The following FSTL5 variants were observed in gnomAD, a reference collection of about 807,000 sequenced individuals.
FSTL5 encodes the protein follistatin-related protein 5.
FSTL5 carries 62 observed loss-of-function variants against 89.1 expected under a neutral mutation model. The ratio of observed to expected loss-of-function variants is 0.70; its 90% CI spans 0.57 to 0.86. The LOEUF (loss-of-function observed/expected upper bound fraction) is 0.86, where lower values mean the gene tolerates loss of function less well. Ranked by LOEUF, FSTL5 falls within the 40% of genes least tolerant of loss-of-function variation. The pLI is 0.00. For missense variants in FSTL5, 1,057 were observed against 1,001.6 expected, an observed-to-expected ratio of 1.06 and a Z score of -0.75; for synonymous variants, 383 against 346.2, an observed-to-expected ratio of 1.11 and a Z score of -1.18.
chr4:161,952,471 C>A lies in FSTL5; in HGVS notation c.161-31819G>T, dbSNP rs1253066436. Among the ~76,000 whole-genome samples the A allele has an allele frequency of 2.0e-5, 3 of 151,822 alleles. No individual in the cohort carries two copies. The East Asian group carries it at 5.8e-4, about 29-fold the overall frequency. On this transcript the variant is annotated intron_variant, in intron 3 of 15. Transcript: ENST00000306100. Reference sequence around the variant, plus strand: ...GTAGGAAAAATAATACTGCATGGTACCTTTAGCCAAAGCTTCAAAATATGT... The same window carrying A: ...GTAGGAAAAATAATACTGCATGGTAACTTTAGCCAAAGCTTCAAAATATGT...
intron 2 of FSTL5, among the ~76,000 whole-genome samples, chr4:162,086,905 A>G (rs1730344713): frequency 6.6e-6 from 1 of 152,110 alleles, no homozygotes; most frequent in Non-Finnish European, 1.5e-5. Flanking sequence ...TGTGTAAATA[A>G]TATTTTACAA....
chr4:161,953,095 A>G (rs1396639808), intron 3 of FSTL5, among the ~76,000 whole-genome samples: 1 of 151,704 alleles, frequency 6.6e-6, no homozygotes, highest in Non-Finnish European at 1.5e-5. Flanking sequence ...TCAAAGGATT[A>G]TTTTAGTTCT....
Position 161,587,519 on chromosome 4 carries a change from G to A in FSTL5, c.951C>T (p.Gly317=). Residue 317 remains glycine (G), a synonymous_variant, in exon 8 of 16, where the codon GGC becomes GGT. Transcript: ENST00000306100. ...AGCCATCTGCATAGCAGGTGTAATTGCCAACGTGAGTTGTGGTAACCTTAG... is the reference window on the plus strand; with the variant it reads ...AGCCATCTGCATAGCAGGTGTAATTACCAACGTGAGTTGTGGTAACCTTAG... The part of the protein sequence containing the change: ...YITKVTTTHV[G]NYTCYADGYE... 1 of 1,611,110 alleles carries A rather than the reference G, an allele frequency of 6.2e-7. No homozygotes were observed. Among genetic ancestry groups the A allele is most frequent in the Non-Finnish European group, 8.5e-7 (1 of 1,177,606 alleles).
At chr4:161,780,849 A>G (rs1741640598) in intron 4 of FSTL5, among the ~76,000 whole-genome samples, 1 of 152,170 alleles carries the variant, frequency 6.6e-6, no homozygotes, top group African/African-American at 2.4e-5. Context: ...AAAGGCTGCA[A>G]TTTGTTCTTA....
Position 161,405,473 on chromosome 4 carries a change from G to T in FSTL5, c.1842-19024C>A, listed in dbSNP as rs114434206. ...AGCAGATATGAGCAGGCAGAAGAAA[G>T]AATCAGAAAATTTGCAGAGGTAAAT... On this transcript the variant is annotated intron_variant, in intron 15 of 15. Coordinates refer to ENST00000306100, the MANE Select transcript of FSTL5 (RefSeq NM_020116.5). Among the ~76,000 whole-genome samples the T allele has an allele frequency of 7.5e-3, 1,148 of 152,110 alleles. 16 individuals are homozygous for T. The highest frequency in any genetic ancestry group is 0.026 in the African/African-American group (1,090 of 41,530).
chr4:161,923,475 G>C (rs899479974), intron 3 of FSTL5, among the ~76,000 whole-genome samples: 7 of 151,674 alleles, frequency 4.6e-5, no homozygotes, highest in Non-Finnish European at 8.9e-5. Context: ...AATGTTTATA[G>C]AGTCTATATG....
chr4:161,770,328 T>C (rs184030513), intron 5 of FSTL5, among the ~76,000 whole-genome samples: 1 of 152,108 alleles, frequency 6.6e-6, no homozygotes, highest in African/African-American at 2.4e-5. Flanking sequence ...ATATTGTACA[T>C]TTTCCGCAAC....
At chr4:162,029,532 A>G (rs946222518) in intron 3 of FSTL5, among the ~76,000 whole-genome samples, 2 of 152,150 alleles carry the variant, frequency 1.3e-5, no homozygotes, top group African/African-American at 4.8e-5. Context: ...ATATTTACCA[A>G]AAAAGATGAA....
chr4:161,887,392 C>CATCTATCT (rs60103951), intron 4 of FSTL5, among the ~76,000 whole-genome samples: 2,621 of 133,110 alleles, frequency 0.02, 61 homozygotes, highest in African/African-American at 0.058. Context: ...CTCTATCTAT[C>CATCTATCT]ATCTATCTAT....
In FSTL5 at chr4:161,920,415, C is replaced by G; in HGVS notation, c.398G>C (p.Cys133Ser). ...QKITIVHNED[C>S]FFKGDKCKTT... ...CACCCTTCATTTACCTTTAAAGAAG[C>G]AGTCTTCATTGTGAACAATGGTAAT... Residue 133 changes from cysteine to serine, a missense_variant, in exon 4 of 16, where the codon TGC (cysteine) becomes TCC (serine). Physicochemically the swap from Cys to Ser is moderately radical, Grantham distance 112. Around this residue, in one of 3 missense-constraint regions of FSTL5, gnomAD observed 980 missense variants for 903.2 expected, o/e 1.08. Coordinates refer to ENST00000306100, the MANE Select transcript of FSTL5 (RefSeq NM_020116.5). The G allele has an allele frequency of 1.2e-6, 2 of 1,613,688 alleles. No homozygotes were observed. The highest frequency in any genetic ancestry group is 1.7e-6 in the Non-Finnish European group (2 of 1,179,776).
chr4:161,505,418 C>G (rs142465657), intron 11 of FSTL5, among the ~76,000 whole-genome samples: 153 of 152,248 alleles, frequency 1.0e-3, no homozygotes, highest in Non-Finnish European at 1.7e-3. Flanking sequence ...GTGAGTGTGT[C>G]AAGCTCTTTT....
At chr4:161,775,298 C>T (rs1741367437) in intron 5 of FSTL5, among the ~76,000 whole-genome samples, 1 of 152,102 alleles carries the variant, frequency 6.6e-6, no homozygotes, top group Non-Finnish European at 1.5e-5. Context: ...AATTGGGCTT[C>T]TTCTCTTCAT....
intron 1 of FSTL5, among the ~76,000 whole-genome samples, chr4:162,161,198 A>C: frequency 6.6e-6 from 1 of 151,918 alleles, no homozygotes; most frequent in Non-Finnish European, 1.5e-5. Flanking sequence ...GTTACTGAAT[A>C]ATCCTTTACA....
chr4:161,745,121 C>T (rs1470520139), intron 6 of FSTL5, among the ~76,000 whole-genome samples: 1 of 151,848 alleles, frequency 6.6e-6, no homozygotes, highest in Non-Finnish European at 1.5e-5. Context: ...TATAGCCTGG[C>T]TTTGGGGAAA....
rs143672334 is a variant in FSTL5, at chr4:161,455,921, C to T, written c.1717-793G>A. Reference sequence around the variant, plus strand: ...GCCATCAAAGTAACTTCCTAAACTACTGACTAAGTTAAAGTAATTCTCCCT... The same window carrying T: ...GCCATCAAAGTAACTTCCTAAACTATTGACTAAGTTAAAGTAATTCTCCCT... On this transcript the variant is annotated intron_variant, in intron 14 of 15. Coordinates refer to ENST00000306100, the MANE Select transcript of FSTL5 (RefSeq NM_020116.5). Among the ~76,000 whole-genome samples the T allele has an allele frequency of 2.4e-3, 366 of 152,292 alleles. 3 individuals carry two copies. The highest frequency in any genetic ancestry group is 3.4e-3 in the Non-Finnish European group (232 of 68,014).
intron 2 of FSTL5, chr4:162,041,772 G>T (rs1737969173): frequency 6.6e-6 from 1 of 151,912 alleles, no homozygotes; most frequent in Non-Finnish European, 1.5e-5. Flanking sequence ...ATCAAACTAG[G>T]ACAGAATTTA....
intron 4 of FSTL5, among the ~76,000 whole-genome samples, chr4:161,884,097 C>A (rs1043807723): frequency 2.0e-5 from 3 of 151,938 alleles, no homozygotes; most frequent in Middle Eastern, 3.4e-3. Context: ...GTTGCCCAGG[C>A]TGCAGTCAGT....
intron 6 of FSTL5, among the ~76,000 whole-genome samples, chr4:161,756,271 A>G (rs1329837963): frequency 6.6e-6 from 1 of 152,094 alleles, no homozygotes. Flanking sequence ...AAATTATCTC[A>G]TGATTGCTGA....
At chr4:161,946,865 G>A (rs1214759761) in intron 3 of FSTL5, among the ~76,000 whole-genome samples, 1 of 152,116 alleles carries the variant, frequency 6.6e-6, no homozygotes, top group African/African-American at 2.4e-5. Flanking sequence ...CCACATGTGA[G>A]TGCCACCTGT....
Sources: allele counts gnomAD v4.1 joint callset (sites outside exome capture counted in the v4.1 genomes callset), GRCh38; gene constraint gnomAD v4.1.1; regional missense constraint gnomAD v4.1.1; transcripts MANE v1.5; gene names NCBI Gene and HGNC (gene_info 2026-07-23, HGNC 2026-07-21).